The following MDM4 variants were observed in gnomAD, a reference collection of about 807,000 sequenced individuals.
MDM4 encodes protein Mdm4.
MDM4 carries 2 observed loss-of-function variants against 60.2 expected under a neutral mutation model. The ratio of observed to expected loss-of-function variants is 0.03; its 90% CI spans 0.01 to 0.10. MDM4 has a LOEUF of 0.10. Ranked by LOEUF, MDM4 falls within the 10% of genes least tolerant of loss-of-function variation. MDM4 has a pLI of 1.00. For synonymous variants in MDM4, 202 were observed against 198.1 expected (o/e 1.02, Z -0.17); for missense variants, 447 against 577.5 (o/e 0.77, Z 2.32).
chr1:204,528,788 A>T, intron 3 of MDM4: 2 of 1,098,986 alleles, frequency 1.8e-6, no homozygotes, highest in Non-Finnish European at 1.4e-6. Context: ...TACTTCTGTC[A>T]CTCTAGGAAG....
chr1:204,525,233 G>T (rs1028999355), intron 1 of MDM4: 6 of 562,208 alleles, frequency 1.1e-5, no homozygotes, highest in Non-Finnish European at 1.4e-5. Context: ...AGGTTGGAGC[G>T]TGCCTGAAAC....
At chr1:204,523,826 C>T (rs902733320) in intron 1 of MDM4, among the ~76,000 whole-genome samples, 1 of 152,144 alleles carries the variant, frequency 6.6e-6, no homozygotes, top group Non-Finnish European at 1.5e-5. Flanking sequence ...TGAGAGCACA[C>T]CTGAACAAGG....
intron 5 of MDM4, chr1:204,536,867 A>T: frequency 2.9e-6 from 1 of 346,294 alleles, no homozygotes; most frequent in Admixed American, 4.5e-5. Flanking sequence ...TAATTTATAT[A>T]CAGGTGATGG....
In MDM4 at chr1:204,546,803, G is replaced by A; in HGVS notation, c.829G>A (p.Glu277Lys). 1 of 1,611,432 alleles carries A rather than the reference G, an allele frequency of 6.2e-7. No individual in the cohort carries two copies. The highest frequency in any genetic ancestry group is 1.1e-5 in the South Asian group (1 of 90,902). Residue 277 changes from glutamate (E) to lysine (K), a missense_variant, in exon 10 of 11, where the codon GAA becomes AAA. By Grantham distance (56) the Glu-to-Lys change is moderately conservative. This residue lies in a region of MDM4 where 184 missense variants were observed against 179.3 expected (regional missense o/e 1.03). Transcript: ENST00000367182. ...GATGTTTTTGCCTTCACAGGTGATT[G>A]AAGTGGGAAAAAATGATGACCTGGA... The part of the protein sequence containing the change: ...VGKVSDKKVI[E>K]VGKNDDLEDS...
chr1:204,537,871 GTCA>G (rs1164044415), intron 6 of MDM4: 1 of 671,390 alleles, frequency 1.5e-6, no homozygotes, highest in Non-Finnish European at 2.8e-6. Context: ...AAACTTTATA[GTCA>G]TCTTGGTACG....
At position 204,549,857 on chromosome 1, in the gene MDM4, T is replaced by A. The variant is rs1298512094; in HGVS notation, c.*175T>A. 2 of 497,974 alleles carry A rather than the reference T, an allele frequency of 4.0e-6. No individual in the cohort carries two copies. Among genetic ancestry groups the A allele is most frequent in the African/African-American group, 2.0e-5 (1 of 50,818 alleles). The allele number at this position is 497,974 out of a possible 1,614,324, so 30.8% of individuals were successfully genotyped here. On this transcript the variant is annotated 3_prime_UTR_variant, in exon 11 of 11. Transcript: ENST00000367182. ...CAATGAAGAACAGAAGTAATCTGAT[T>A]AGTCAAATTATTAAGTGCCATGGAT...
At position 204,542,848 on chromosome 1, in the gene MDM4, G is replaced by C. The variant is rs1338978165; in HGVS notation, c.576G>C (p.Glu192Asp). The C allele has an allele frequency of 2.5e-6, 4 of 1,613,948 alleles. No homozygotes were observed. The highest frequency in any genetic ancestry group is 2.2e-5 in the East Asian group (1 of 44,888). The change falls in exon 8 of 11, where the codon GAG becomes GAC. Residue 192 changes from glutamate to aspartate, a missense_variant. Coordinates refer to ENST00000367182, the MANE Select transcript of MDM4 (RefSeq NM_002393.5). The stretch of plus-strand genomic sequence containing the variant: ...CTAGGCTGGACCTTGGATTTGAGGA[G>C]TGGGATGTAGCTGGCCTGCCTTGGT... ...ETSRLDLGFE[E>D]WDVAGLPWWF...
intron 3 of MDM4, chr1:204,529,517 A>C: frequency 2.0e-6 from 3 of 1,512,558 alleles, no homozygotes; most frequent in Non-Finnish European, 2.7e-6. Flanking sequence ...GCCCTCTACC[A>C]GCTGGTGGTC....
intron 10 of MDM4, among the ~76,000 whole-genome samples, 173 bp downstream of exon 10, chr1:204,547,050 TAAG>T (rs1662735355): frequency 6.6e-6 from 1 of 152,172 alleles, no homozygotes; most frequent in African/African-American, 2.4e-5. Context: ...TATTGGAACT[TAAG>T]AAGGGAAGGG....
Position 204,554,150 on chromosome 1 carries a change from G to T in MDM4, c.*4468G>T, listed in dbSNP as rs1663403963. ...ATGTTGGCTGCCTTTTGAAGTCTTT[G>T]ATATATTGGTGAATATTCTTCTGAT... On this transcript the variant is annotated 3_prime_UTR_variant, in exon 11 of 11. Transcript: ENST00000367182. 1 of 228,284 alleles carries T rather than the reference G, an allele frequency of 4.4e-6. No homozygotes were observed. Among genetic ancestry groups the T allele is most frequent in the Non-Finnish European group, 8.7e-6 (1 of 115,130 alleles). 14.1% of individuals were successfully genotyped at this position (228,284 alleles called of 1,614,324 possible).
rs1486247936 is a variant in MDM4 at position 204,521,244 on chromosome 1, C to A, written c.-35-4240C>A. On this transcript the variant is annotated intron_variant, in intron 1 of 10. Transcript: ENST00000367182. The stretch of plus-strand genomic sequence containing the variant: ...TTATCTAATGCTATGGAATAAACCA[C>A]CCCAAAACTTAGTGAGTTGAAACAG... Among the ~76,000 whole-genome samples, 6 of 152,270 alleles carry A rather than the reference C, an allele frequency of 3.9e-5. 1 individual carries two copies. The highest frequency in any genetic ancestry group is 3.9e-4 in the East Asian group (2 of 5,190).
Position 204,521,732 on chromosome 1 carries a change from T to C in MDM4, c.-35-3752T>C, listed in dbSNP as rs549678668. ...CCATTTTTGGAAACGGTCTGCACAT[T>C]ATAATTAATGTTTCTATCTACCATG... On this transcript the variant is annotated intron_variant, in intron 1 of 10. Coordinates refer to ENST00000367182, the MANE Select transcript of MDM4 (RefSeq NM_002393.5). Among the ~76,000 whole-genome samples the C allele has an allele frequency of 3.7e-4, 56 of 152,316 alleles. 1 individual carries two copies. In the South Asian group the frequency reaches 0.012, roughly 32 times the overall value.
Position 204,558,071 on chromosome 1 carries a change from A to G in MDM4, c.*8389A>G, listed in dbSNP as rs1419860117. 1 of 182,700 alleles carries G rather than the reference A, an allele frequency of 5.5e-6. No homozygotes were observed. The highest frequency in any genetic ancestry group is 1.2e-5 in the Non-Finnish European group (1 of 86,028). The allele number at this position is 182,700 out of a possible 1,614,324, so 11.3% of individuals were successfully genotyped here. A position where few individuals can be genotyped will look rare whatever the true frequency, so the allele number is the denominator to read the frequency against. On this transcript the variant is annotated 3_prime_UTR_variant, in exon 11 of 11. Coordinates refer to ENST00000367182, the MANE Select transcript of MDM4 (RefSeq NM_002393.5). ...GTGTTTGCACTATGTAATGCTTTTA[A>G]TACTTTTTAATTGTGCTTTTTTATG...
rs572332218 is a variant in MDM4, at chr1:204,538,135, C to T, written c.412-74C>T. 7.2e-6 allele frequency: 6 copies of T among 832,944 alleles called. 1 individual carries two copies. Among genetic ancestry groups the T allele is most frequent in the Admixed American group, 1.8e-5 (1 of 55,772 alleles). 51.6% of individuals were successfully genotyped at this position (832,944 alleles called of 1,614,324 possible). On this transcript the variant is annotated intron_variant, in intron 6 of 10. Transcript: ENST00000367182. ...ATTGTGTTGCACACTAACTGGTGAG[C>T]CAGAATGGAACTGCTACATCCCCTG...
In MDM4 at chr1:204,549,797, A is replaced by G; in HGVS notation, c.*115A>G. On this transcript the variant is annotated 3_prime_UTR_variant, in exon 11 of 11. Transcript: ENST00000367182. ...TCAGAGAATGTTCTTAGGCATCAAA[A>G]TCCAAGGTAGCTGTAAGAAAAATAC... 1 of 671,208 alleles carries G rather than the reference A, an allele frequency of 1.5e-6. No homozygotes were observed. Among genetic ancestry groups the G allele is most frequent in the Non-Finnish European group, 2.4e-6 (1 of 420,824 alleles). The allele number at this position is 671,208 out of a possible 1,614,324, so 41.6% of individuals were successfully genotyped here. A position where few individuals can be genotyped will look rare whatever the true frequency, so the allele number is the denominator to read the frequency against.
chr1:204,544,904 C>T (rs1225593033), intron 9 of MDM4, among the ~76,000 whole-genome samples: 1 of 152,020 alleles, frequency 6.6e-6, no homozygotes, highest in Non-Finnish European at 1.5e-5. Context: ...ACTCTTTTTT[C>T]CCCTGATTAT....
At chr1:204,539,287 A>C (rs1661771087) in intron 7 of MDM4, among the ~76,000 whole-genome samples, 1 of 152,066 alleles carries the variant, frequency 6.6e-6, no homozygotes. Flanking sequence ...CACCTGGCCC[A>C]ATTTTTACAC....
rs534831287 is a variant in MDM4, at chr1:204,553,034, T to C, written c.*3352T>C. The C allele has an allele frequency of 2.0e-3, 331 of 166,232 alleles. No homozygotes were observed. The highest frequency in any genetic ancestry group is 3.5e-3 in the Non-Finnish European group (263 of 76,166). 10.3% of individuals were successfully genotyped at this position (166,232 alleles called of 1,614,324 possible). On this transcript the variant is annotated 3_prime_UTR_variant, in exon 11 of 11. Transcript: ENST00000367182. Reference sequence around the variant, plus strand: ...GGGATTACAGGTGTGCACCACCATGTCTGGCTAATTTTGTATTTTTAGTAG... The same window carrying C: ...GGGATTACAGGTGTGCACCACCATGCCTGGCTAATTTTGTATTTTTAGTAG...
rs1660024761 is a variant in MDM4, at chr1:204,525,385, C to G, written c.-35-99C>G. 48 of 1,443,788 alleles carry G rather than the reference C, an allele frequency of 3.3e-5. No homozygotes were observed. The South Asian group carries it at 7.2e-4, about 22-fold the overall frequency. The allele number at this position is 1,443,788 out of a possible 1,614,324, so 89.4% of individuals were successfully genotyped here. A position where few individuals can be genotyped will look rare whatever the true frequency, so the allele number is the denominator to read the frequency against. On this transcript the variant is annotated intron_variant, in intron 1 of 10. Transcript: ENST00000367182. ...GTGTACGGTGCTCCATTATATGTGT[C>G]ATATGTGTCTTTTACTTCTGCTGGT...
Sources: gnomAD v4.1 joint callset for allele counts (sites outside exome capture counted in the v4.1 genomes callset) on GRCh38, gnomAD v4.1.1 for gene constraint, gnomAD v4.1.1 regional missense constraint, MANE v1.5 for transcripts, NCBI Gene and HGNC (gene_info 2026-07-23, HGNC 2026-07-21) for gene names.